Variants in PDE3A observed in about 807,000 individuals in gnomAD.
The protein encoded by PDE3A is cGMP-inhibited 3',5'-cyclic phosphodiesterase 3A.
A neutral mutation model predicts 98.3 loss-of-function variants in PDE3A; 43 were observed. The observed-to-expected ratio is 0.44, with a 90% CI of 0.34 to 0.56. The LOEUF (loss-of-function observed/expected upper bound fraction) is 0.56. Among genes scored for constraint, PDE3A ranks in the 20% least tolerant of loss-of-function variants. The pLI is 0.01. For synonymous variants in PDE3A, 663 were observed against 567.9 expected, an observed-to-expected ratio of 1.17 and a Z score of -2.38; for missense variants, 1,427 against 1,440.7, an observed-to-expected ratio of 0.99 and a Z score of 0.15.
Position 20,668,487 on chromosome 12 carries a change from T to G in PDE3A, c.3185-11543T>G, listed in dbSNP as rs1336742682. Among the ~76,000 whole-genome samples the G allele has an allele frequency of 5.6e-4, 85 of 152,008 alleles. 1 individual carries two copies. The highest frequency in any genetic ancestry group is 1.9e-3 in the African/African-American group (78 of 41,490). ...GAAGAGAGCAGTGGTTCTCCCAGCATGCAGCTGGAGATCTGAGAACAGGCA... is the reference window on the plus strand; with the variant it reads ...GAAGAGAGCAGTGGTTCTCCCAGCAGGCAGCTGGAGATCTGAGAACAGGCA... On this transcript the variant is annotated intron_variant, in intron 15 of 15. Coordinates refer to ENST00000359062, the MANE Select transcript of PDE3A (RefSeq NM_000921.5).
intron 2 of PDE3A, among the ~76,000 whole-genome samples, chr12:20,609,407 T>C (rs1592107437): frequency 3.3e-5 from 5 of 152,142 alleles, no homozygotes; most frequent in African/African-American, 9.6e-5. Flanking sequence ...ATGAAAAGAA[T>C]TGAACACAGA....
intron 1 of PDE3A, among the ~76,000 whole-genome samples, chr12:20,394,369 A>G (rs999075729): frequency 6.6e-6 from 1 of 152,022 alleles, no homozygotes; most frequent in African/African-American, 2.4e-5. Context: ...AGAACACTGA[A>G]CTTCTAAAAG....
intron 1 of PDE3A, among the ~76,000 whole-genome samples, chr12:20,485,433 A>T (rs1945709834): frequency 6.6e-6 from 1 of 151,694 alleles, no homozygotes; most frequent in Non-Finnish European, 1.5e-5. Context: ...TTAGAACTGC[A>T]AATATGTTTT....
intron 14 of PDE3A, among the ~76,000 whole-genome samples, chr12:20,652,411 C>A (rs1238309439): frequency 6.6e-6 from 1 of 152,122 alleles, no homozygotes; most frequent in Admixed American, 6.5e-5. Context: ...CCTATTTCTC[C>A]ACATCCTCTC....
intron 1 of PDE3A, among the ~76,000 whole-genome samples, chr12:20,490,477 T>C (rs1378707807): frequency 6.6e-6 from 1 of 152,142 alleles, no homozygotes; most frequent in Non-Finnish European, 1.5e-5. Flanking sequence ...GTTTGCTGCA[T>C]GGAAAGGAGA....
At chr12:20,617,337 T>C (rs1456598130) in intron 4 of PDE3A, among the ~76,000 whole-genome samples, 1 of 152,142 alleles carries the variant, frequency 6.6e-6, no homozygotes, top group East Asian at 1.9e-4. Flanking sequence ...GTTTCTTCCA[T>C]ATTATTTGTA....
intron 1 of PDE3A, among the ~76,000 whole-genome samples, chr12:20,482,809 G>C (rs2121011179): frequency 6.6e-6 from 1 of 152,276 alleles, no homozygotes; most frequent in African/African-American, 2.4e-5. Context: ...CTTTTTAAAT[G>C]GATGCAGCTG....
intron 1 of PDE3A, among the ~76,000 whole-genome samples, chr12:20,499,890 A>G (rs1735300262): frequency 1.3e-5 from 2 of 152,176 alleles, no homozygotes; most frequent in African/African-American, 4.8e-5. Context: ...ACGCTTGTTA[A>G]TCCTCACAAC....
At chr12:20,450,065 CCTT>C in intron 1 of PDE3A, 1 of 573,472 alleles carries the variant, frequency 1.7e-6, no homozygotes, top group South Asian at 2.3e-5. Context: ...TCTTCAAGCT[CCTT>C]CATCAGCCTT....
intron 1 of PDE3A, among the ~76,000 whole-genome samples, chr12:20,437,658 A>G (rs549637725): frequency 7.0e-4 from 107 of 152,266 alleles, no homozygotes; most frequent in South Asian, 3.7e-3. Context: ...GAACAAACTT[A>G]CTAATATGAG....
Position 20,414,887 on chromosome 12 carries a change from T to A in PDE3A, c.960+44643T>A, listed in dbSNP as rs572838773. On this transcript the variant is annotated intron_variant, in intron 1 of 15. Coordinates refer to ENST00000359062, the MANE Select transcript of PDE3A (RefSeq NM_000921.5). ...AGAGCAAAAGTTTGATGTTTAAAAA[T>A]CTAATAAATATAAACCACTATTAGA... is the stretch of plus-strand genomic sequence containing the variant. Among the ~76,000 whole-genome samples the A allele has an allele frequency of 5.9e-5, 9 of 152,278 alleles. No homozygotes were observed. The South Asian group carries it at 1.2e-3, about 21-fold the overall frequency.
intron 1 of PDE3A, among the ~76,000 whole-genome samples, chr12:20,522,899 A>G (rs1946455053): frequency 6.6e-6 from 1 of 152,076 alleles, no homozygotes; most frequent in Non-Finnish European, 1.5e-5. Flanking sequence ...GTGAAGCTAT[A>G]TTTGTGAGTA....
chr12:20,553,759 C>T (rs995398244), intron 1 of PDE3A, among the ~76,000 whole-genome samples: 1 of 152,222 alleles, frequency 6.6e-6, no homozygotes, highest in African/African-American at 2.4e-5. Context: ...CGGACGGACG[C>T]CAGCACATGA....
At chr12:20,451,203 CAAAG>C (rs1202947013) in intron 1 of PDE3A, among the ~76,000 whole-genome samples, 1 of 152,188 alleles carries the variant, frequency 6.6e-6, no homozygotes, top group Admixed American at 6.5e-5. Flanking sequence ...AACTTCCAAA[CAAAG>C]AATGTTTCAG....
In PDE3A at chr12:20,639,927, G is replaced by T. The variant is rs1305856693; in HGVS notation, c.2221G>T (p.Ala741Ser). 1.3e-6 allele frequency: 2 copies of T among 1,516,888 alleles called. No homozygotes were observed. Among genetic ancestry groups the T allele is most frequent in the Non-Finnish European group, 1.8e-6 (2 of 1,092,614 alleles). The allele number at this position is 1,516,888 out of a possible 1,614,324, so 94.0% of individuals were successfully genotyped here. The change falls in exon 10 of 16, where the codon GCT becomes TCT. Residue 741 changes from alanine (A) to serine (S), a missense_variant. Physicochemically the swap from Ala to Ser is moderately conservative, Grantham distance 99. Around this residue, in one of 3 missense-constraint regions of PDE3A, gnomAD observed 273 missense variants for 420.3 expected, o/e 0.65. Coordinates refer to ENST00000359062, the MANE Select transcript of PDE3A (RefSeq NM_000921.5). Reference sequence around the variant, plus strand: ...TAGGGAATTTATGAATTATTTTCATGCTTTGGAGATTGGATATAGGGATAT... The same window carrying T: ...TAGGGAATTTATGAATTATTTTCATTCTTTGGAGATTGGATATAGGGATAT... ...PIREFMNYFH[A>S]LEIGYRDIPY...
At chr12:20,535,560 T>A (rs1175058193) in intron 1 of PDE3A, among the ~76,000 whole-genome samples, 1 of 152,138 alleles carries the variant, frequency 6.6e-6, no homozygotes, top group Non-Finnish European at 1.5e-5. Flanking sequence ...TTTGAGGATT[T>A]TTAAAATAAT....
In PDE3A at chr12:20,520,217, T is replaced by C. The variant is rs150463259; in HGVS notation, c.961-36443T>C. Among the ~76,000 whole-genome samples the C allele has an allele frequency of 3.9e-3, 592 of 152,238 alleles. 5 individuals are homozygous for C. Among genetic ancestry groups the C allele is most frequent in the African/African-American group, 0.014 (562 of 41,548 alleles). ...GTGCTGGAATGGAGGCATGTGATAA[T>C]AAAAAACCATCTATGCCATGACAAA... On this transcript the variant is annotated intron_variant, in intron 1 of 15. Coordinates refer to ENST00000359062, the MANE Select transcript of PDE3A (RefSeq NM_000921.5).
chr12:20,624,442 C>A (rs1592123804), intron 5 of PDE3A, among the ~76,000 whole-genome samples: 1 of 152,042 alleles, frequency 6.6e-6, no homozygotes, highest in African/African-American at 2.4e-5. Flanking sequence ...TGACTTCACT[C>A]TAGAAGAAAG....
intron 15 of PDE3A, among the ~76,000 whole-genome samples, chr12:20,675,714 C>G (rs1421064248): frequency 1.3e-5 from 2 of 152,150 alleles, no homozygotes; most frequent in Non-Finnish European, 2.9e-5. Context: ...TATATAATGA[C>G]TGTGTCTTCT....
Sources: gnomAD v4.1 joint callset for allele counts (sites outside exome capture counted in the v4.1 genomes callset) on GRCh38, gnomAD v4.1.1 for gene constraint, gnomAD v4.1.1 regional missense constraint, MANE v1.5 for transcripts, NCBI Gene and HGNC (gene_info 2026-07-23, HGNC 2026-07-21) for gene names.